The following FANCA variants were observed in gnomAD, a reference collection of about 807,000 sequenced individuals.
FANCA encodes the protein Fanconi anemia group A protein.
Under a neutral mutation model 194.3 loss-of-function variants are expected in FANCA, and 236 were observed. The observed-to-expected ratio is 1.21, with a 90% CI of 1.09 to 1.35. The LOEUF is 1.35. FANCA is among the 40% of genes most tolerant of loss of function. The pLI, the probability that FANCA is intolerant of heterozygous loss-of-function variation, is 0.00. For synonymous variants in FANCA, 1,014 were observed against 715.8 expected, an observed-to-expected ratio of 1.42 and a Z score of -6.65; for missense variants, 2,628 against 1,813.9, an observed-to-expected ratio of 1.45 and a Z score of -8.15.
In FANCA at chr16:89,739,187, C is replaced by A. The variant is rs1060501882; in HGVS notation, c.4113G>T (p.Gly1371=). ...YLKLVQLFVA[G]DTSTVSPPAG... ...CTGGAGGTGAAACTGTGCTTGTATC[C>A]CCAGCCACGAAGAGCTGGACCAGCT... The change falls in exon 41 of 43, where the codon GGG becomes GGT. Residue 1371 remains glycine, a synonymous_variant. Coordinates refer to ENST00000389301, the MANE Select transcript of FANCA (RefSeq NM_000135.4). The A allele has an allele frequency of 3.1e-6, 5 of 1,614,026 alleles. No homozygotes were observed. The East Asian group carries it at 6.7e-5, about 22-fold the overall frequency.
chr16:89,778,403 T>G (rs528190977), intron 20 of FANCA: 4 of 354,124 alleles, frequency 1.1e-5, no homozygotes, highest in African/African-American at 9.4e-5. Context: ...GAGGCAGAGC[T>G]TGCAGTGAGC....
chr16:89,792,550 G>T lies in FANCA; in HGVS notation c.1007-3C>A, dbSNP rs557382436. 7.4e-6 allele frequency: 12 copies of T among 1,612,824 alleles called. No homozygotes were observed. In the African/African-American group the frequency reaches 9.3e-5, roughly 13 times the overall value. Reference sequence around the variant, plus strand: ...CTGCATCTGAACAGCATCAGATGCTGCAGGGGGAGAAACAGACAAAAACTT... The same window carrying T: ...CTGCATCTGAACAGCATCAGATGCTTCAGGGGGAGAAACAGACAAAAACTT... On this transcript the variant is annotated splice_region_variant and splice_polypyrimidine_tract_variant and intron_variant, in intron 11 of 42. Transcript: ENST00000389301.
intron 17 of FANCA, among the ~76,000 whole-genome samples, chr16:89,781,970 G>C (rs1159042491): frequency 5.3e-5 from 8 of 150,862 alleles, no homozygotes. Flanking sequence ...CTGCGCCACT[G>C]CACTCCAGCC....
At chr16:89,807,610 C>T (rs2040706972) in intron 6 of FANCA, among the ~76,000 whole-genome samples, 2 of 152,162 alleles carry the variant, frequency 1.3e-5, no homozygotes, top group African/African-American at 4.8e-5. Flanking sequence ...AATTGCCAGG[C>T]ACAGTGGTTC....
chr16:89,776,153 G>GTTTTTT (rs908520331), intron 20 of FANCA, among the ~76,000 whole-genome samples: 1 of 91,784 alleles, frequency 1.1e-5, no homozygotes. Context: ...ACGAATCTTT[G>GTTTTTT]TTTTTCTTTT....
intron 2 of FANCA, 70 bp from the exon 3 acceptor site, chr16:89,814,683 C>T: frequency 8.9e-7 from 1 of 1,123,008 alleles, no homozygotes; most frequent in Non-Finnish European, 1.4e-6. Context: ...TGGCTCACGC[C>T]TGTAATCCCA....
chr16:89,737,989 G>A lies in FANCA; in HGVS notation c.*612C>T. ...TCTGTCCCCCAGGTGTGAGGTCTGTGGGTTCCAGTGCAGGCAGCGGGCATC... is the reference window on the plus strand; with the variant it reads ...TCTGTCCCCCAGGTGTGAGGTCTGTAGGTTCCAGTGCAGGCAGCGGGCATC... On this transcript the variant is annotated 3_prime_UTR_variant, in exon 43 of 43. Coordinates refer to ENST00000389301, the MANE Select transcript of FANCA (RefSeq NM_000135.4). The A allele has an allele frequency of 6.2e-7, 1 of 1,614,144 alleles. No homozygotes were observed. The highest frequency in any genetic ancestry group is 8.5e-7 in the Non-Finnish European group (1 of 1,180,036).
At chr16:89,790,328 A>T (rs549373580) in intron 14 of FANCA, among the ~76,000 whole-genome samples, 2 of 152,054 alleles carry the variant, frequency 1.3e-5, no homozygotes, top group East Asian at 1.9e-4. Context: ...CAGGAGGAGG[A>T]GGTTGCAGTG....
chr16:89,806,988 C>A (rs530667387), intron 6 of FANCA, among the ~76,000 whole-genome samples: 3 of 152,072 alleles, frequency 2.0e-5, no homozygotes, highest in Admixed American at 2.0e-4. Context: ...GCTGACTCCC[C>A]CACCTCCCTC....
In FANCA at chr16:89,791,436, G is replaced by C; in HGVS notation, c.1326C>G (p.Pro442=). 6.2e-7 allele frequency: 1 copy of C among 1,614,118 alleles called. No individual in the cohort carries two copies. The highest frequency in any genetic ancestry group is 8.5e-7 in the Non-Finnish European group (1 of 1,179,996). Residue 442 remains proline, a synonymous_variant, in exon 14 of 43, where the codon CCC becomes CCG. Coordinates refer to ENST00000389301, the MANE Select transcript of FANCA (RefSeq NM_000135.4). ...AGTCTGCATATGACAGGAACGCAGAGGGGCCCTCCAGTGCTGCCTGGCGCA... is the reference window on the plus strand; with the variant it reads ...AGTCTGCATATGACAGGAACGCAGACGGGCCCTCCAGTGCTGCCTGGCGCA... ...LVVRQAALEG[P]SAFLSYADWF...
intron 40 of FANCA, 52 bp from the exon 41 acceptor site, chr16:89,739,341 A>C (rs768494844): frequency 3.1e-6 from 5 of 1,608,976 alleles, no homozygotes; most frequent in Non-Finnish European, 4.3e-6. Flanking sequence ...GAAAGGTAGC[A>C]GGTGATGCCA....
intron 5 of FANCA, 82 bp from the exon 6 acceptor site, chr16:89,808,449 C>T (rs891000385): frequency 2.1e-6 from 3 of 1,403,784 alleles, no homozygotes; most frequent in African/African-American, 2.9e-5. Flanking sequence ...CATTTTCCTA[C>T]AAAATGTTCA....
intron 2 of FANCA, 33 bp from the exon 3 acceptor site, chr16:89,814,646 A>G: frequency 3.2e-6 from 5 of 1,549,878 alleles, no homozygotes; most frequent in Non-Finnish European, 4.5e-6. Context: ...CTCCATTTAA[A>G]AAATTCAAGC....
At chr16:89,806,436 A>G (rs2040650526) in intron 6 of FANCA, among the ~76,000 whole-genome samples, 1 of 146,286 alleles carries the variant, frequency 6.8e-6, no homozygotes, top group South Asian at 2.1e-4. Context: ...GGTGGAGGGA[A>G]GGTCAGCAGA....
chr16:89,748,550 C>G, intron 33 of FANCA, 109 bp downstream of exon 33: 5 of 903,648 alleles, frequency 5.5e-6, no homozygotes, highest in South Asian at 1.4e-5. Context: ...ACTTTGAACC[C>G]TTTCCTCAGT....
intron 9 of FANCA, 39 bp from the exon 10 acceptor site, chr16:89,799,271 C>T (rs2040358075): frequency 6.2e-7 from 1 of 1,611,738 alleles, no homozygotes; most frequent in East Asian, 2.2e-5. Flanking sequence ...GATGTCAGCA[C>T]ACGGCGGCAG....
chr16:89,760,469 T>C (rs570357990), intron 29 of FANCA, among the ~76,000 whole-genome samples: 26 of 152,282 alleles, frequency 1.7e-4, no homozygotes, highest in African/African-American at 5.3e-4. Context: ...AGGGTGGCTG[T>C]TGCCAACCCT....
In FANCA at chr16:89,738,284, C is replaced by G. The variant is rs201817705; in HGVS notation, c.*317G>C. The G allele has an allele frequency of 5.1e-6, 8 of 1,554,276 alleles. No individual in the cohort carries two copies. The Admixed American group carries it at 5.8e-5, about 11-fold the overall frequency. ...GGATGAGCACCTCTAGCAGCCTGGA[C>G]TCCGCAGTGGCTGTGTCAGCCTCAC... On this transcript the variant is annotated 3_prime_UTR_variant, in exon 43 of 43. Transcript: ENST00000389301.
chr16:89,814,812 G>A (rs1047068213), intron 2 of FANCA, among the ~76,000 whole-genome samples, 199 bp from the exon 3 acceptor site: 2 of 151,952 alleles, frequency 1.3e-5, no homozygotes, highest in Non-Finnish European at 2.9e-5. Flanking sequence ...ATGGTGGCGC[G>A]TGCCTGTAGT....
Sources: allele counts gnomAD v4.1 joint callset (sites outside exome capture counted in the v4.1 genomes callset), GRCh38; gene constraint gnomAD v4.1.1; transcripts MANE v1.5; gene names NCBI Gene and HGNC (gene_info 2026-07-23, HGNC 2026-07-21).